The following CCDC117 variants were observed in gnomAD, a reference collection of about 807,000 sequenced individuals.
CCDC117 encodes coiled-coil domain containing 117, also known as coiled-coil domain-containing protein 117.
In CCDC117, 1 loss-of-function variant was observed where a neutral mutation model predicts 23.5. The ratio of observed to expected loss-of-function variants is 0.04; its 90% CI spans 0.02 to 0.20. The LOEUF (loss-of-function observed/expected upper bound fraction) is 0.20, where lower values mean the gene tolerates loss of function less well. Ranked by LOEUF, CCDC117 falls within the 10% of genes least tolerant of loss-of-function variation. The pLI is 1.00. For synonymous variants in CCDC117, 132 were observed against 124.8 expected, an observed-to-expected ratio of 1.06 and a Z score of -0.39; for missense variants, 383 against 348.2, an observed-to-expected ratio of 1.10 and a Z score of -0.80.
At chr22:28,775,668 G>A (rs568450347) in intron 2 of CCDC117, among the ~76,000 whole-genome samples, 61 of 152,292 alleles carry the variant, frequency 4.0e-4, no homozygotes, top group Non-Finnish European at 6.3e-4. Flanking sequence ...GGAAGCCGAG[G>A]CAGGTGGATC....
chr22:28,776,391 T>G (rs931693196), intron 2 of CCDC117, among the ~76,000 whole-genome samples: 4 of 151,914 alleles, frequency 2.6e-5, no homozygotes, highest in African/African-American at 9.7e-5. Context: ...AAGATTAGAT[T>G]ACCATTTTGG....
In CCDC117 at chr22:28,777,728, T is replaced by C. The variant is rs2031210223; in HGVS notation, c.240-3220T>C. On this transcript the variant is annotated intron_variant, in intron 2 of 4. Transcript: ENST00000249064. ...TTTCACCATGTTAGTCAGGATGGTC[T>C]TGATTCCTTGACCTCATGATCCACC... Among the ~76,000 whole-genome samples, 3 of 152,044 alleles carry C rather than the reference T, an allele frequency of 2.0e-5. No homozygotes were observed. In the South Asian group the frequency reaches 6.2e-4, roughly 32 times the overall value.
intron 3 of CCDC117, among the ~76,000 whole-genome samples, chr22:28,782,640 C>T (rs112631689): frequency 3.3e-5 from 5 of 152,050 alleles, no homozygotes; most frequent in South Asian, 2.1e-4. Flanking sequence ...GGTTTCACCA[C>T]GTTGGCCAGG....
chr22:28,774,467 G>T (rs1467329661), intron 2 of CCDC117, among the ~76,000 whole-genome samples: 1 of 150,932 alleles, frequency 6.6e-6, no homozygotes, highest in East Asian at 1.9e-4. Flanking sequence ...AACTCCTTGG[G>T]CTCAAATGAT....
intron 2 of CCDC117, among the ~76,000 whole-genome samples, chr22:28,774,399 G>A (rs1045719339): frequency 2.1e-5 from 3 of 142,308 alleles, no homozygotes; most frequent in African/African-American, 5.3e-5. Context: ...TTTAAAGTCA[G>A]GGGCTCTGTC....
rs768213070 is a variant in CCDC117, at chr22:28,773,743, A to G, written c.204A>G (p.Lys68=). The G allele has an allele frequency of 6.2e-7, 1 of 1,614,012 alleles. No homozygotes were observed. The highest frequency in any genetic ancestry group is 1.3e-5 in the African/African-American group (1 of 75,048). ...AARGRVSVHC[K]KKHKREEEED... ...TCAACAGTGTTTCTGTTCACTGTAA[A>G]AAGAAACACAAGCGAGAGGAGGAGG... The change falls in exon 2 of 5, where the codon AAA becomes AAG. Residue 68 remains lysine, a synonymous_variant. Coordinates refer to ENST00000249064, the MANE Select transcript of CCDC117 (RefSeq NM_173510.4).
chr22:28,782,372 C>T (rs562562055), intron 3 of CCDC117, among the ~76,000 whole-genome samples: 2 of 150,058 alleles, frequency 1.3e-5, no homozygotes, highest in African/African-American at 4.9e-5. Context: ...AATTCACTTG[C>T]CTCAGCCTCC....
chr22:28,776,879 C>T (rs938050247), intron 2 of CCDC117, among the ~76,000 whole-genome samples: 2 of 150,428 alleles, frequency 1.3e-5, no homozygotes, highest in Non-Finnish European at 3.0e-5. Context: ...CCACCGCACC[C>T]AACCAATTTT....
In CCDC117 at chr22:28,786,170, T is replaced by C. The variant is rs1183187297; in HGVS notation, c.684T>C (p.Thr228=). The stretch of plus-strand genomic sequence containing the variant: ...ATAAGCCAAAGCCATCCTCTAATAC[T>C]AAGAACTATACAGGAGAGAGCCAAG... ...LSDKPKPSSN[T]KNYTGESQAK... The change falls in exon 5 of 5, where the codon ACT becomes ACC. Residue 228 remains threonine, a synonymous_variant. Coordinates refer to ENST00000249064, the MANE Select transcript of CCDC117 (RefSeq NM_173510.4). The C allele has an allele frequency of 1.2e-6, 2 of 1,614,028 alleles. No homozygotes were observed. The highest frequency in any genetic ancestry group is 1.3e-5 in the African/African-American group (1 of 74,920).
At chr22:28,780,923 A>T (rs772073723) in intron 2 of CCDC117, 25 bp from the exon 3 acceptor site, 27 of 1,537,312 alleles carry the variant, frequency 1.8e-5, no homozygotes, top group African/African-American at 2.7e-5. Context: ...TGGGATTTTC[A>T]TTGAATTTTT....
chr22:28,776,866 G>A (rs1272432893), intron 2 of CCDC117, among the ~76,000 whole-genome samples: 1 of 152,152 alleles, frequency 6.6e-6, no homozygotes, highest in African/African-American at 2.4e-5. Context: ...TTACAGGCGT[G>A]AGCCACCGCA....
rs538429119 is a variant in CCDC117 at position 28,781,940 on chromosome 22, G to GC, written c.464+777dup. On this transcript the variant is annotated intron_variant, in intron 3 of 4. Transcript: ENST00000249064. ...TTACAGGCGTGAGCCACACCACCCAGCCCCCCCCCTTTTTTTTTTTTAAAT... is the reference window on the plus strand; with the variant it reads ...TTACAGGCGTGAGCCACACCACCCAGCCCCCCCCCCTTTTTTTTTTTTAAAT... 3.7e-3 allele frequency among the ~76,000 whole-genome samples: 543 copies of GC among 144,896 alleles called. 5 individuals carry two copies. Among genetic ancestry groups the GC allele is most frequent in the African/African-American group, 8.2e-3 (321 of 39,170 alleles).
intron 2 of CCDC117, among the ~76,000 whole-genome samples, chr22:28,775,215 T>C (rs2031128314): frequency 2.6e-5 from 4 of 152,004 alleles, no homozygotes; most frequent in Non-Finnish European, 5.9e-5. Flanking sequence ...GAGCCAAGAT[T>C]GCGCCATTGC....
In CCDC117 at chr22:28,786,769, CT is replaced by C. The variant is rs2031523859; in HGVS notation, c.*444del. 1 of 157,188 alleles carries C rather than the reference CT, an allele frequency of 6.4e-6. No individual in the cohort carries two copies. Among genetic ancestry groups the C allele is most frequent in the Admixed American group, 6.1e-5 (1 of 16,460 alleles). The allele number at this position is 157,188 out of a possible 1,614,324, so 9.7% of individuals were successfully genotyped here. On this transcript the variant is annotated 3_prime_UTR_variant, in exon 5 of 5. Coordinates refer to ENST00000249064, the MANE Select transcript of CCDC117 (RefSeq NM_173510.4). ...AGATATGAGCTGTTTACAGTGGTGA[CT>C]ATATATAATTGGGGAGAAGAAGGGA...
At chr22:28,783,373 A>G in intron 3 of CCDC117, 135 bp from the exon 4 acceptor site, 1 of 777,708 alleles carries the variant, frequency 1.3e-6, no homozygotes, top group South Asian at 1.9e-5. Context: ...GTATAGCCTC[A>G]TTTTTTGCTT....
intron 4 of CCDC117, among the ~76,000 whole-genome samples, chr22:28,785,744 G>A (rs1311843338): frequency 1.3e-5 from 2 of 152,138 alleles, no homozygotes; most frequent in Middle Eastern, 3.4e-3. Context: ...GCAATGTTAT[G>A]TATTTGAGGG....
In CCDC117 at chr22:28,780,954, A is replaced by G. The variant is rs2031297357; in HGVS notation, c.246A>G (p.Pro82=). 2 of 1,608,462 alleles carry G rather than the reference A, an allele frequency of 1.2e-6. No individual in the cohort carries two copies. The highest frequency in any genetic ancestry group is 1.7e-6 in the Non-Finnish European group (2 of 1,176,506). Residue 82 remains proline (P), a synonymous_variant, in exon 3 of 5, where the codon CCA becomes CCG. Coordinates refer to ENST00000249064, the MANE Select transcript of CCDC117 (RefSeq NM_173510.4). ...TTTTTTTTCTTTTTTTCAGTTGTCCAGTAAGAAAGAAAAGGATAACTGAAG... is the reference window on the plus strand; with the variant it reads ...TTTTTTTTCTTTTTTTCAGTTGTCCGGTAAGAAAGAAAAGGATAACTGAAG... The part of the protein sequence containing the change: ...KREEEEDDDC[P]VRKKRITEAE...
chr22:28,773,813 C>T (rs368084193), intron 2 of CCDC117, 35 bp downstream of exon 2: 357 of 1,545,430 alleles, frequency 2.3e-4, no homozygotes, highest in Non-Finnish European at 2.9e-4. Context: ...ACTCTGTGGT[C>T]ACCGTTAGTT....
At chr22:28,779,806 AT>A (rs1314367523) in intron 2 of CCDC117, among the ~76,000 whole-genome samples, 1 of 151,992 alleles carries the variant, frequency 6.6e-6, no homozygotes, top group Admixed American at 6.6e-5. Flanking sequence ...GCCATTAATG[AT>A]TTTTTTTGGT....
Sources: gnomAD v4.1 joint callset for allele counts (sites outside exome capture counted in the v4.1 genomes callset) on GRCh38, gnomAD v4.1.1 for gene constraint, MANE v1.5 for transcripts, NCBI Gene and HGNC (gene_info 2026-07-23, HGNC 2026-07-21) for gene names.